VAV3: variants seen among roughly 807,000 people sequenced by gnomAD.
The protein encoded by VAV3 is guanine nucleotide exchange factor VAV3.
A neutral mutation model predicts 131.2 loss-of-function variants in VAV3; 94 were observed. The observed-to-expected ratio is 0.72, with a 90% confidence interval of 0.61 to 0.85. The LOEUF is 0.85. VAV3 is among the 40% of genes least tolerant of loss of function. The pLI, the probability that VAV3 is intolerant of heterozygous loss-of-function variation, is 0.00. For synonymous variants in VAV3, 349 were observed against 342.0 expected, an observed-to-expected ratio of 1.02 and a Z score of -0.22; for missense variants, 939 against 1,002.7, an observed-to-expected ratio of 0.94 and a Z score of 0.86.
At chr1:107,766,651 A>G in intron 7 of VAV3, 101 bp from the exon 8 acceptor site, 1 of 787,488 alleles carries the variant, frequency 1.3e-6, no homozygotes, top group Non-Finnish European at 2.1e-6. Flanking sequence ...CACTCAGGAT[A>G]TGCTGAATGC....
chr1:107,903,817 A>C (rs1671982144), intron 1 of VAV3, among the ~76,000 whole-genome samples: 1 of 152,184 alleles, frequency 6.6e-6, no homozygotes, highest in Admixed American at 6.5e-5. Context: ...TTGTGTAAAT[A>C]AATTAATCTG....
chr1:107,919,477 C>A (rs141749083), intron 1 of VAV3, among the ~76,000 whole-genome samples: 2 of 152,178 alleles, frequency 1.3e-5, no homozygotes, highest in East Asian at 1.9e-4. Context: ...CAGACAAGTA[C>A]AAAAAGTCTA....
At chr1:107,597,958 G>A (rs948191261) in intron 24 of VAV3, among the ~76,000 whole-genome samples, 15 of 152,152 alleles carry the variant, frequency 9.9e-5, no homozygotes, top group Non-Finnish European at 2.1e-4. Flanking sequence ...ATATCAGTGA[G>A]GTGAGTGAAC....
At chr1:107,587,653 C>T (rs980224236) in intron 25 of VAV3, among the ~76,000 whole-genome samples, 24 of 152,248 alleles carry the variant, frequency 1.6e-4, no homozygotes, top group Non-Finnish European at 3.1e-4. Context: ...TGCAGTGGCA[C>T]CATCTTGGCT....
chr1:107,642,474 A>G, intron 20 of VAV3, 145 bp downstream of exon 20: 1 of 906,490 alleles, frequency 1.1e-6, no homozygotes. Flanking sequence ...CTGTCTATGG[A>G]GTAGCCATTC....
At chr1:107,843,306 C>T (rs188785668) in intron 2 of VAV3, among the ~76,000 whole-genome samples, 10 of 149,178 alleles carry the variant, frequency 6.7e-5, no homozygotes, top group African/African-American at 2.5e-4. Context: ...ATAAGAGTAC[C>T]TACTAATAAA....
intron 25 of VAV3, among the ~76,000 whole-genome samples, chr1:107,584,416 T>C (rs1650329862): frequency 6.6e-6 from 1 of 152,158 alleles, no homozygotes. Flanking sequence ...TGGGACCTAA[T>C]TAAACTAAAG....
At chr1:107,689,008 G>C (rs1403079072) in intron 17 of VAV3, among the ~76,000 whole-genome samples, 1 of 152,102 alleles carries the variant, frequency 6.6e-6, no homozygotes, top group Non-Finnish European at 1.5e-5. Flanking sequence ...TCCAGAAATA[G>C]GAAGAACAAT....
chr1:107,925,375 A>G (rs1057032263), intron 1 of VAV3, among the ~76,000 whole-genome samples: 5 of 152,330 alleles, frequency 3.3e-5, no homozygotes, highest in Admixed American at 2.6e-4. Context: ...GAATTTGTAT[A>G]CCCGTATTCA....
chr1:107,749,641 T>C (rs1207556930), intron 13 of VAV3, 47 bp from the exon 14 acceptor site: 4 of 1,576,058 alleles, frequency 2.5e-6, no homozygotes, highest in African/African-American at 2.8e-5. Context: ...TTTAGAAACA[T>C]GGGTTATTAA....
At chr1:107,901,110 T>G (rs1671837371) in intron 1 of VAV3, among the ~76,000 whole-genome samples, 1 of 152,190 alleles carries the variant, frequency 6.6e-6, no homozygotes, top group Admixed American at 6.5e-5. Context: ...CTATAAATGC[T>G]GACAGTATAG....
At chr1:107,654,043 T>C (rs1240897576) in intron 19 of VAV3, among the ~76,000 whole-genome samples, 1 of 152,114 alleles carries the variant, frequency 6.6e-6, no homozygotes, top group Non-Finnish European at 1.5e-5. Flanking sequence ...ATATTTTCAT[T>C]TACATATGAA....
intron 20 of VAV3, among the ~76,000 whole-genome samples, chr1:107,639,887 T>C (rs530593468): frequency 1.3e-5 from 2 of 150,798 alleles, no homozygotes; most frequent in South Asian, 2.1e-4. Context: ...TGAGCTACGA[T>C]TGTAGTACCA....
At chr1:107,750,544 G>A (rs930031654) in intron 13 of VAV3, among the ~76,000 whole-genome samples, 1 of 152,104 alleles carries the variant, frequency 6.6e-6, no homozygotes, top group Admixed American at 6.6e-5. Context: ...CAGGGTTATC[G>A]AGGAAGAAGC....
intron 25 of VAV3, among the ~76,000 whole-genome samples, chr1:107,587,960 A>G (rs1290916135): frequency 6.6e-6 from 1 of 152,186 alleles, no homozygotes; most frequent in Non-Finnish European, 1.5e-5. Flanking sequence ...GAACAGTATA[A>G]AAGATGAGAA....
At chr1:107,942,414 C>T (rs771996940) in intron 1 of VAV3, among the ~76,000 whole-genome samples, 12 of 152,200 alleles carry the variant, frequency 7.9e-5, no homozygotes, top group Non-Finnish European at 1.6e-4. Flanking sequence ...ACTTCAGACT[C>T]TCACTACATC....
At chr1:107,756,956 T>A (rs966696583) in intron 11 of VAV3, among the ~76,000 whole-genome samples, 10 of 152,098 alleles carry the variant, frequency 6.6e-5, no homozygotes, top group Non-Finnish European at 1.2e-4. Flanking sequence ...GTTTTTATAC[T>A]TGTATCTAAG....
chr1:107,658,856 G>T lies in VAV3; in HGVS notation c.1778-16101C>A, dbSNP rs1274501993. ...TGTAGATTCTGGATATCACACCTTT[G>T]TCAGATGAGTAGGTTGCAAAAATTT... On this transcript the variant is annotated intron_variant, in intron 19 of 26. Coordinates refer to ENST00000370056, the MANE Select transcript of VAV3 (RefSeq NM_006113.5). Among the ~76,000 whole-genome samples, 16 of 152,052 alleles carry T rather than the reference G, an allele frequency of 1.1e-4. No homozygotes were observed. The East Asian group carries it at 1.4e-3, about 13-fold the overall frequency.
intron 15 of VAV3, among the ~76,000 whole-genome samples, chr1:107,726,349 G>A (rs1241603960): frequency 2.0e-5 from 3 of 152,114 alleles, no homozygotes; most frequent in Admixed American, 6.6e-5. Flanking sequence ...CAGGAATTCC[G>A]CCAGAAAGTC....
Sources: gnomAD v4.1 joint callset for allele counts (sites outside exome capture counted in the v4.1 genomes callset) on GRCh38, gnomAD v4.1.1 for gene constraint, MANE v1.5 for transcripts, NCBI Gene and HGNC (gene_info 2026-07-23, HGNC 2026-07-21) for gene names.